ZCCHC24: variants seen among roughly 807,000 people sequenced by gnomAD.
The protein encoded by ZCCHC24 is zinc finger CCHC domain-containing protein 24.
Under a neutral mutation model 26.2 loss-of-function variants are expected in ZCCHC24, and 10 were observed. The ratio of observed to expected loss-of-function variants is 0.38; its 90% confidence interval spans 0.24 to 0.65. ZCCHC24 has a LOEUF of 0.65. Ranked by LOEUF, ZCCHC24 falls within the 30% of genes least tolerant of loss-of-function variation. The probability of loss-of-function intolerance (pLI) is 0.54; values close to 1 mark genes in which losing one functional copy is unlikely to be tolerated. For synonymous variants in ZCCHC24, 144 were observed against 147.1 expected (o/e 0.98, Z 0.15); for missense variants, 243 against 329.1 (o/e 0.74, Z 2.03).
At chr10:79,415,402 C>T (rs1856846155) in intron 2 of ZCCHC24, among the ~76,000 whole-genome samples, 1 of 152,188 alleles carries the variant, frequency 6.6e-6, no homozygotes, top group Admixed American at 6.5e-5. Context: ...GCCTCTTGAC[C>T]TCACACACAC....
rs141500674 is a variant in ZCCHC24 at position 79,432,647 on chromosome 10, C to T, written c.358G>A (p.Glu120Lys). The change falls in exon 2 of 4, where the codon GAG becomes AAG. Residue 120 changes from glutamate to lysine, a missense_variant. This residue lies in a region of ZCCHC24 where 96 missense variants were observed against 178.3 expected (regional missense o/e 0.54). Coordinates refer to ENST00000372336, the MANE Select transcript of ZCCHC24 (RefSeq NM_153367.4). Reference protein sequence around the residue: ...EHFSDLTLTSEARKPSKRPPP... With the variant: ...EHFSDLTLTSKARKPSKRPPP... ...GGCCGCTTGCTGGGCTTGCGAGCCTCGGAGGTGAGGGTCAGGTCTGAGAAG... is the reference window on the plus strand; with the variant it reads ...GGCCGCTTGCTGGGCTTGCGAGCCTTGGAGGTGAGGGTCAGGTCTGAGAAG... The T allele has an allele frequency of 1.3e-5, 21 of 1,608,224 alleles. No homozygotes were observed. Among genetic ancestry groups the T allele is most frequent in the African/African-American group, 9.4e-5 (7 of 74,488 alleles).
chr10:79,398,537 G>A (rs369467835), intron 2 of ZCCHC24, among the ~76,000 whole-genome samples: 5 of 151,160 alleles, frequency 3.3e-5, no homozygotes, highest in African/African-American at 1.2e-4. Flanking sequence ...ACAGGCATTA[G>A]TCCCAGGAGG....
chr10:79,435,676 A>G (rs1183070129), intron 1 of ZCCHC24, among the ~76,000 whole-genome samples: 1 of 152,146 alleles, frequency 6.6e-6, no homozygotes, highest in Non-Finnish European at 1.5e-5. Flanking sequence ...TCATTCCCAC[A>G]TGAAAGATGG....
intron 3 of ZCCHC24, among the ~76,000 whole-genome samples, chr10:79,389,907 C>T (rs538512507): frequency 1.3e-4 from 20 of 151,956 alleles, no homozygotes; most frequent in Admixed American, 1.0e-3. Flanking sequence ...TCAGCCACTG[C>T]GCCTGGCTGA....
chr10:79,398,887 G>C (rs1856589975), intron 2 of ZCCHC24, among the ~76,000 whole-genome samples: 1 of 152,182 alleles, frequency 6.6e-6, no homozygotes, highest in African/African-American at 2.4e-5. Context: ...GCACAGGGAA[G>C]GGGTGGGACT....
chr10:79,426,142 T>C (rs754801107), intron 2 of ZCCHC24, among the ~76,000 whole-genome samples: 1 of 152,194 alleles, frequency 6.6e-6, no homozygotes, highest in Non-Finnish European at 1.5e-5. Context: ...GACACCTCTA[T>C]CCTACTCTTA....
chr10:79,414,847 C>G (rs4267016), intron 2 of ZCCHC24, among the ~76,000 whole-genome samples: 44,190 of 152,076 alleles, frequency 0.29, 6,979 homozygotes, highest in South Asian at 0.41. Context: ...ATGTGAAGCC[C>G]GAGATGGAAT....
chr10:79,419,567 T>C (rs2132203796), intron 2 of ZCCHC24, among the ~76,000 whole-genome samples: 1 of 152,040 alleles, frequency 6.6e-6, no homozygotes, highest in South Asian at 2.1e-4. Flanking sequence ...AGGAAAGCCA[T>C]GTGAGAGGGG....
At chr10:79,408,322 T>C (rs1391108294) in intron 2 of ZCCHC24, among the ~76,000 whole-genome samples, 1 of 152,180 alleles carries the variant, frequency 6.6e-6, no homozygotes, top group Non-Finnish European at 1.5e-5. Context: ...GCTCAGGGAC[T>C]ACCCAGGTTA....
rs567702934 is a variant in ZCCHC24, at chr10:79,385,091, G to A, written c.*1254C>T. On this transcript the variant is annotated 3_prime_UTR_variant, in exon 4 of 4. Transcript: ENST00000372336. This position sits in a 1 kb window ranked among gnomAD's most constrained non-coding sequence, Gnocchi z 4.3. ...TGTCTCAGGGTTCTCCATGTCAGGG[G>A]CTAGGAGACCGAGGTGAGAAGGAGG... 5.3e-5 allele frequency: 8 copies of A among 152,258 alleles called. No homozygotes were observed. The highest frequency in any genetic ancestry group is 1.9e-4 in the African/African-American group (8 of 41,532). 9.4% of individuals were successfully genotyped at this position (152,258 alleles called of 1,614,324 possible).
At chr10:79,439,881 A>G (rs1270970734) in intron 1 of ZCCHC24, among the ~76,000 whole-genome samples, 4 of 151,996 alleles carry the variant, frequency 2.6e-5, no homozygotes, top group Non-Finnish European at 4.4e-5. Context: ...GTCTGCTCCC[A>G]GTGGCAGCCA....
chr10:79,394,162 G>C, intron 3 of ZCCHC24, 114 bp downstream of exon 3: 1 of 1,403,062 alleles, frequency 7.1e-7, no homozygotes, highest in Non-Finnish European at 9.6e-7. Context: ...GACAAGGAAA[G>C]AAAGGGTCAA....
chr10:79,418,130 A>T (rs923373503), intron 2 of ZCCHC24, among the ~76,000 whole-genome samples: 1 of 152,196 alleles, frequency 6.6e-6, no homozygotes, highest in Non-Finnish European at 1.5e-5. Context: ...CCAAGGCCTA[A>T]ACACCCTCGC....
At chr10:79,412,090 G>A (rs1856801692) in intron 2 of ZCCHC24, among the ~76,000 whole-genome samples, 1 of 152,212 alleles carries the variant, frequency 6.6e-6, no homozygotes, top group Admixed American at 6.5e-5. Context: ...GCCTCCACAG[G>A]GGGCATTGAG....
Position 79,426,975 on chromosome 10 carries a change from A to G in ZCCHC24, c.447+5583T>C, listed in dbSNP as rs1857035862. On this transcript the variant is annotated intron_variant, in intron 2 of 3. Transcript: ENST00000372336. ...GCACTTTAAATTCAAATATATGAAT[A>G]GGTTGGAAATAAAAGATAGGAAAAT... 4.1e-5 allele frequency among the ~76,000 whole-genome samples: 6 copies of G among 147,370 alleles called. No homozygotes were observed. In the South Asian group the frequency reaches 1.3e-3, roughly 32 times the overall value.
At position 79,386,030 on chromosome 10, in the gene ZCCHC24, AGGCGAGCCTGTGG is replaced by A; in HGVS notation, c.*302_*314del. ...CTGCTCACCCCAAAGAGGCTCTCAG[AGGCGAGCCTGTGG>A]GGACACCCAGGGCTCCTGGACATGG... On this transcript the variant is annotated 3_prime_UTR_variant, in exon 4 of 4. Coordinates refer to ENST00000372336, the MANE Select transcript of ZCCHC24 (RefSeq NM_153367.4). 1.9e-6 allele frequency: 1 copy of A among 522,516 alleles called. No homozygotes were observed. Among genetic ancestry groups the A allele is most frequent in the South Asian group, 3.3e-5 (1 of 29,938 alleles). The allele number at this position is 522,516 out of a possible 1,614,324, so 32.4% of individuals were successfully genotyped here. A position where few individuals can be genotyped will look rare whatever the true frequency, so the allele number is the denominator to read the frequency against.
chr10:79,394,665 C>A (rs925408531), intron 2 of ZCCHC24: 2 of 982,168 alleles, frequency 2.0e-6, no homozygotes, highest in Admixed American at 1.2e-4. Flanking sequence ...GGTGAAAAAA[C>A]AGAGGAGATG....
intron 2 of ZCCHC24, among the ~76,000 whole-genome samples, chr10:79,427,776 G>C (rs1217627796): frequency 6.6e-6 from 1 of 152,164 alleles, no homozygotes; most frequent in Non-Finnish European, 1.5e-5. Flanking sequence ...CACTTTTGGA[G>C]GCTGAGATGG....
chr10:79,441,369 C>T (rs1857289872), intron 1 of ZCCHC24, among the ~76,000 whole-genome samples: 1 of 152,040 alleles, frequency 6.6e-6, no homozygotes, highest in Admixed American at 6.5e-5. Flanking sequence ...AAGGGCTGGG[C>T]CCAGGGAAAG....
Sources: gnomAD v4.1 joint callset for allele counts (sites outside exome capture counted in the v4.1 genomes callset) on GRCh38, gnomAD v4.1.1 for gene constraint, gnomAD v4.1.1 regional missense constraint, Gnocchi (gnomAD v3.1) non-coding constraint, MANE v1.5 for transcripts, NCBI Gene and HGNC (gene_info 2026-07-23, HGNC 2026-07-21) for gene names.